The following ZNF280B variants were observed in gnomAD, a reference collection of about 807,000 sequenced individuals.
The protein encoded by ZNF280B is zinc finger protein 280B.
A neutral mutation model predicts 38.0 loss-of-function variants in ZNF280B; 16 were observed. The observed-to-expected ratio is 0.42, with a 90% CI of 0.28 to 0.64. The LOEUF (loss-of-function observed/expected upper bound fraction) is 0.64, where lower values mean the gene tolerates loss of function less well. Among genes scored for constraint, ZNF280B ranks in the 30% least tolerant of loss-of-function variants. The probability of loss-of-function intolerance (pLI) is 0.21; values close to 1 mark genes in which losing one functional copy is unlikely to be tolerated. For missense variants in ZNF280B, 581 were observed against 639.6 expected, an observed-to-expected ratio of 0.91 and a Z score of 0.99; for synonymous variants, 253 against 230.6, an observed-to-expected ratio of 1.10 and a Z score of -0.88.
rs1280024358 is a variant in ZNF280B, at chr22:22,489,385, C to T, written c.14G>A (p.Cys5Tyr). MEQS[C>Y]EEEKEPEPQK... is the part of the protein sequence containing the mutation. ...TGGTTCAGGCTCTTTCTCTTCCTCA[C>T]ATGATTGTTCCATTTTCTAATTTTT... Residue 5 changes from cysteine (C) to tyrosine (Y), a missense_variant, in exon 4 of 4, where the codon TGT becomes TAT. Transcript: ENST00000626650. 7 of 1,587,462 alleles carry T rather than the reference C, an allele frequency of 4.4e-6. No individual in the cohort carries two copies. The highest frequency in any genetic ancestry group is 6.0e-6 in the Non-Finnish European group (7 of 1,170,708).
At chr22:22,496,657 A>T (rs1038140574) in intron 2 of ZNF280B, among the ~76,000 whole-genome samples, 1 of 151,596 alleles carries the variant, frequency 6.6e-6, no homozygotes, top group African/African-American at 2.4e-5. Flanking sequence ...AAGTTTGAGA[A>T]AGAAGCAGTG....
At position 22,487,690 on chromosome 22, in the gene ZNF280B, T is replaced by C. The variant is rs1321584868; in HGVS notation, c.*77A>G. 5 of 1,268,246 alleles carry C rather than the reference T, an allele frequency of 3.9e-6. No homozygotes were observed. Among genetic ancestry groups the C allele is most frequent in the African/African-American group, 3.0e-5 (2 of 66,676 alleles). The allele number at this position is 1,268,246 out of a possible 1,614,324, so 78.6% of individuals were successfully genotyped here. On this transcript the variant is annotated 3_prime_UTR_variant, in exon 4 of 4. Coordinates refer to ENST00000626650, the MANE Select transcript of ZNF280B (RefSeq NM_080764.4). ...CTATTTTTGGTGCTACTGAATAATG[T>C]ATGGTTTGTATTTTTTGTTTTATGA...
At chr22:22,492,882 T>G (rs1440201638) in intron 3 of ZNF280B, among the ~76,000 whole-genome samples, 7 of 138,474 alleles carry the variant, frequency 5.1e-5, no homozygotes, top group Non-Finnish European at 1.1e-4. Context: ...CGAGACTGCA[T>G]CTCAAAAAAA....
intron 2 of ZNF280B, among the ~76,000 whole-genome samples, chr22:22,507,064 A>C (rs1416628484): frequency 6.6e-6 from 1 of 151,948 alleles, no homozygotes; most frequent in Non-Finnish European, 1.5e-5. Flanking sequence ...GCTCTGAAGT[A>C]AGCCAGCTGC....
intron 2 of ZNF280B, among the ~76,000 whole-genome samples, chr22:22,496,491 A>G (rs1164721190): frequency 6.6e-6 from 1 of 151,906 alleles, no homozygotes; most frequent in African/African-American, 2.4e-5. Flanking sequence ...TGAAAAAGTT[A>G]TTTTTGTTTT....
chr22:22,487,699 T>C lies in ZNF280B; in HGVS notation c.*68A>G. The C allele has an allele frequency of 2.2e-6, 3 of 1,360,134 alleles. No homozygotes were observed. The highest frequency in any genetic ancestry group is 1.4e-5 in the South Asian group (1 of 69,224). 84.3% of individuals were successfully genotyped at this position (1,360,134 alleles called of 1,614,324 possible). A position where few individuals can be genotyped will look rare whatever the true frequency, so the allele number is the denominator to read the frequency against. ...GTGCTACTGAATAATGTATGGTTTG[T>C]ATTTTTTGTTTTATGAGGTTTTTTA... On this transcript the variant is annotated 3_prime_UTR_variant, in exon 4 of 4. Transcript: ENST00000626650.
chr22:22,502,920 A>G (rs1267690977), intron 2 of ZNF280B, among the ~76,000 whole-genome samples: 1 of 152,020 alleles, frequency 6.6e-6, no homozygotes, highest in East Asian at 2.0e-4. Flanking sequence ...CCTAAATGCC[A>G]CCACAAATGT....
rs1392212466 is a variant in ZNF280B, at chr22:22,499,636, C to CTT, written c.-186-5458_-186-5457dup. Among the ~76,000 whole-genome samples, 6 of 152,086 alleles carry CTT rather than the reference C, an allele frequency of 3.9e-5. 1 individual carries two copies. Among genetic ancestry groups the CTT allele is most frequent in the African/African-American group, 1.4e-4 (6 of 41,494 alleles). Reference sequence around the variant, plus strand: ...AAAACACTTGACAAAAGCTAACATCCTTTTATGATTTGAAACAACAAAACG... The same window carrying CTT: ...AAAACACTTGACAAAAGCTAACATCCTTTTTTATGATTTGAAACAACAAAACG... On this transcript the variant is annotated intron_variant, in intron 2 of 3. Transcript: ENST00000626650.
At chr22:22,501,019 C>CAAAAAAAAAAAAAAAAA (rs56907724) in intron 2 of ZNF280B, among the ~76,000 whole-genome samples, 2 of 60,258 alleles carry the variant, frequency 3.3e-5, no homozygotes, top group Non-Finnish European at 6.7e-5. Context: ...GACTCCGTCT[C>CAAAAAAAAAAAAAAAAA]AAAAAAAAAA....
In ZNF280B at chr22:22,486,462, A is replaced by T. The variant is rs1050493527; in HGVS notation, c.*1305T>A. On this transcript the variant is annotated 3_prime_UTR_variant, in exon 4 of 4. Coordinates refer to ENST00000626650, the MANE Select transcript of ZNF280B (RefSeq NM_080764.4). ...GTCCAGTACAGTTCAAATTATAGATATTAGGGCTTCTTCCCCTTGGGAAAC... is the reference window on the plus strand; with the variant it reads ...GTCCAGTACAGTTCAAATTATAGATTTTAGGGCTTCTTCCCCTTGGGAAAC... The T allele has an allele frequency of 2.0e-5, 3 of 152,342 alleles. No homozygotes were observed. Among genetic ancestry groups the T allele is most frequent in the African/African-American group, 4.8e-5 (2 of 41,364 alleles). 9.4% of individuals were successfully genotyped at this position (152,342 alleles called of 1,614,324 possible). A position where few individuals can be genotyped will look rare whatever the true frequency, so the allele number is the denominator to read the frequency against.
chr22:22,499,399 G>C (rs2061770735), intron 2 of ZNF280B, among the ~76,000 whole-genome samples: 2 of 151,744 alleles, frequency 1.3e-5, no homozygotes, highest in South Asian at 4.2e-4. Flanking sequence ...CAAGTAGCTG[G>C]GATTACAGGC....
intron 2 of ZNF280B, among the ~76,000 whole-genome samples, chr22:22,495,331 T>C (rs983296793): frequency 6.6e-6 from 1 of 151,932 alleles, no homozygotes; most frequent in African/African-American, 2.4e-5. Context: ...ATTGAGTGCT[T>C]ATTGTGTGCC....
In ZNF280B at chr22:22,488,552, C is replaced by A. The variant is rs758829912; in HGVS notation, c.847G>T (p.Val283Leu). 6.2e-7 allele frequency: 1 copy of A among 1,613,924 alleles called. No individual in the cohort carries two copies. The highest frequency in any genetic ancestry group is 8.5e-7 in the Non-Finnish European group (1 of 1,179,968). The stretch of plus-strand genomic sequence containing the variant: ...CCATAGTAAAAGTCACTAAGTAACA[C>A]AATGGGATTTTCTTTCTTGGGATCA... ...TFDPKKENPI[V>L]LLSDFYYGQH... is the part of the protein sequence containing the mutation. Residue 283 changes from valine (V) to leucine (L), a missense_variant, in exon 4 of 4, where the codon GTG (valine) becomes TTG (leucine). Val to Leu is a conservative substitution (Grantham distance 32). Transcript: ENST00000626650.
rs906514615 is a variant in ZNF280B at position 22,489,324 on chromosome 22, G to A, written c.75C>T (p.Asp25=). 8.7e-6 allele frequency: 14 copies of A among 1,613,578 alleles called. No individual in the cohort carries two copies. The East Asian group carries it at 8.9e-5, about 10-fold the overall frequency. The change falls in exon 4 of 4, where the codon GAC becomes GAT. Residue 25 remains aspartate (D), a synonymous_variant. Transcript: ENST00000626650. ...CAACAAAGATGAGCTCAGCATCTTC[G>A]TCATCTACTTGTTTGGTTTCTTGTA... is the stretch of plus-strand genomic sequence containing the variant. ...KNIQETKQVD[D]EDAELIFVGV... is the part of the protein sequence containing the mutation.
Position 22,488,037 on chromosome 22 carries a change from G to A in ZNF280B, c.1362C>T (p.His454=). The change falls in exon 4 of 4, where the codon CAC becomes CAT. Residue 454 remains histidine (H), a synonymous_variant. Coordinates refer to ENST00000626650, the MANE Select transcript of ZNF280B (RefSeq NM_080764.4). ...AACACTGGTGTGCACTCTTTCCCCAGTGGCCCCTATAATGACACATGTATG... is the reference window on the plus strand; with the variant it reads ...AACACTGGTGTGCACTCTTTCCCCAATGGCCCCTATAATGACACATGTATG... ...ATPYMCHYRG[H]WGKSAHQCSK... 1 of 1,613,906 alleles carries A rather than the reference G, an allele frequency of 6.2e-7. No homozygotes were observed. The highest frequency in any genetic ancestry group is 8.5e-7 in the Non-Finnish European group (1 of 1,179,978).
At chr22:22,496,340 C>T (rs1411048599) in intron 2 of ZNF280B, among the ~76,000 whole-genome samples, 1 of 151,638 alleles carries the variant, frequency 6.6e-6, no homozygotes, top group African/African-American at 2.4e-5. Flanking sequence ...TCAAGTGATC[C>T]ACCCACCTTG....
chr22:22,486,394 G>GGACA lies in ZNF280B; in HGVS notation c.*1369_*1372dup, dbSNP rs1437301378. 6.8e-6 allele frequency: 1 copy of GGACA among 147,424 alleles called. No homozygotes were observed. Among genetic ancestry groups the GGACA allele is most frequent in the Non-Finnish European group, 1.5e-5 (1 of 68,020 alleles). The allele number at this position is 147,424 out of a possible 1,614,324, so 9.1% of individuals were successfully genotyped here. ...CTAAATTTAGCCCAGTCCAGGAACT[G>GGACA]GACAGACACCACTTGTTTGGCCCTT... is the stretch of plus-strand genomic sequence containing the variant. On this transcript the variant is annotated 3_prime_UTR_variant, in exon 4 of 4. Transcript: ENST00000626650.
In ZNF280B at chr22:22,508,661, G is replaced by C. The variant is rs1008368766; in HGVS notation, c.-250C>G. ...CCGCGCCACGCCCCCGTCCTTACCA[G>C]TCCGGATCAGCTGCTGTTCGCGAGC... On this transcript the variant is annotated splice_region_variant and 5_prime_UTR_variant, in exon 1 of 4. Transcript: ENST00000626650. 6.6e-6 allele frequency: 1 copy of C among 151,976 alleles called. No homozygotes were observed. The highest frequency in any genetic ancestry group is 1.5e-5 in the Non-Finnish European group (1 of 68,062). 9.4% of individuals were successfully genotyped at this position (151,976 alleles called of 1,614,324 possible). A position where few individuals can be genotyped will look rare whatever the true frequency, so the allele number is the denominator to read the frequency against.
At chr22:22,497,919 C>G (rs2061733948) in intron 2 of ZNF280B, among the ~76,000 whole-genome samples, 1 of 151,776 alleles carries the variant, frequency 6.6e-6, no homozygotes. Flanking sequence ...TTGTTTATAG[C>G]AACAACTCAT....
Sources: allele counts gnomAD v4.1 joint callset (sites outside exome capture counted in the v4.1 genomes callset), GRCh38; gene constraint gnomAD v4.1.1; transcripts MANE v1.5; gene names NCBI Gene and HGNC (gene_info 2026-07-23, HGNC 2026-07-21).